The following CAMK2D variants were observed in gnomAD, a reference collection of about 807,000 sequenced individuals.
The protein encoded by CAMK2D is calcium/calmodulin dependent protein kinase II delta, also known as calcium/calmodulin-dependent protein kinase type II subunit delta.
Under a neutral mutation model 84.0 loss-of-function variants are expected in CAMK2D, and 37 were observed. The ratio of observed to expected loss-of-function variants is 0.44; its 90% CI spans 0.34 to 0.58. CAMK2D has a LOEUF of 0.58. Ranked by LOEUF, CAMK2D falls within the 20% of genes least tolerant of loss-of-function variation. The probability of loss-of-function intolerance (pLI) is 0.02; values close to 1 mark genes in which losing one functional copy is unlikely to be tolerated. For missense variants in CAMK2D, 448 were observed against 652.5 expected (o/e 0.69, Z 3.41); for synonymous variants, 202 against 212.5 (o/e 0.95, Z 0.43).
intron 7 of CAMK2D, among the ~76,000 whole-genome samples, chr4:113,533,813 A>C (rs1472690946): frequency 6.6e-6 from 1 of 151,988 alleles, no homozygotes; most frequent in Non-Finnish European, 1.5e-5. Flanking sequence ...TACTTCTACC[A>C]GTTTTGGCTA....
chr4:113,705,403 G>A (rs1000978535), intron 2 of CAMK2D, among the ~76,000 whole-genome samples: 4 of 151,756 alleles, frequency 2.6e-5, no homozygotes, highest in African/African-American at 9.7e-5. Flanking sequence ...GATGCCTCAG[G>A]TTCTCTGATT....
intron 6 of CAMK2D, among the ~76,000 whole-genome samples, chr4:113,542,180 C>T (rs547244789): frequency 6.6e-6 from 1 of 152,300 alleles, no homozygotes; most frequent in Admixed American, 6.5e-5. Context: ...CAATTACCCA[C>T]AGCTTCTCCA....
intron 4 of CAMK2D, among the ~76,000 whole-genome samples, chr4:113,600,900 G>A (rs1390932374): frequency 6.6e-6 from 1 of 152,164 alleles, no homozygotes; most frequent in East Asian, 1.9e-4. Flanking sequence ...CTCCTGAAGT[G>A]CTGAGGTTAC....
At chr4:113,669,732 C>T (rs1019273074) in intron 2 of CAMK2D, among the ~76,000 whole-genome samples, 2 of 152,088 alleles carry the variant, frequency 1.3e-5, no homozygotes, top group Non-Finnish European at 2.9e-5. Context: ...AGATATGAAA[C>T]ATGTCTTATG....
chr4:113,548,286 C>A (rs1437594156), intron 5 of CAMK2D, among the ~76,000 whole-genome samples: 1 of 152,154 alleles, frequency 6.6e-6, no homozygotes, highest in African/African-American at 2.4e-5. Flanking sequence ...CTACAGCAAC[C>A]CATGGTCTCA....
chr4:113,640,242 A>G (rs1284592868), intron 3 of CAMK2D, among the ~76,000 whole-genome samples: 1 of 152,150 alleles, frequency 6.6e-6, no homozygotes, highest in African/African-American at 2.4e-5. Flanking sequence ...CTAGTAGGAA[A>G]CGTGTCTGGA....
chr4:113,589,003 G>A (rs28578760), intron 4 of CAMK2D, among the ~76,000 whole-genome samples: 6,388 of 152,194 alleles, frequency 0.042, 452 homozygotes, highest in African/African-American at 0.15. Context: ...AGGAGAGCTG[G>A]GGAGACCATG....
chr4:113,504,505 TAAGA>T (rs1206985755), intron 14 of CAMK2D, among the ~76,000 whole-genome samples: 1 of 152,220 alleles, frequency 6.6e-6, no homozygotes, highest in Non-Finnish European at 1.5e-5. Context: ...TGTGTTTTAA[TAAGA>T]GGGAAACGAG....
intron 17 of CAMK2D, among the ~76,000 whole-genome samples, chr4:113,464,526 GCATT>G (rs1211902212): frequency 6.6e-6 from 1 of 152,144 alleles, no homozygotes; most frequent in Non-Finnish European, 1.5e-5. Flanking sequence ...TCTCCGTTTT[GCATT>G]TTAAGTCTTT....
Position 113,557,836 on chromosome 4 carries a change from C to G in CAMK2D, c.276-5740G>C, listed in dbSNP as rs568097818. Among the ~76,000 whole-genome samples the G allele has an allele frequency of 2.3e-4, 35 of 152,290 alleles. 2 individuals are homozygous for G. Among genetic ancestry groups the G allele is most frequent in the African/African-American group, 8.4e-4 (35 of 41,564 alleles). ...GGATGAGTTGATATAATAATGCACT[C>G]AACTCTTTGGAAAACACAACAGCTG... On this transcript the variant is annotated intron_variant, in intron 4 of 20. Coordinates refer to ENST00000511664, the MANE Select transcript of CAMK2D (RefSeq NM_001321571.2).
chr4:113,693,710 T>C (rs1008040553), intron 2 of CAMK2D, among the ~76,000 whole-genome samples: 1 of 152,198 alleles, frequency 6.6e-6, no homozygotes, highest in Admixed American at 6.6e-5. Context: ...AGGACAGATA[T>C]GGCTATCACC....
chr4:113,602,037 T>C (rs1013485591), intron 4 of CAMK2D, among the ~76,000 whole-genome samples: 3 of 152,156 alleles, frequency 2.0e-5, no homozygotes, highest in African/African-American at 7.2e-5. Flanking sequence ...ACAAAATTTG[T>C]AGACTCAGCT....
chr4:113,732,493 T>C (rs2099571457), intron 2 of CAMK2D, among the ~76,000 whole-genome samples: 1 of 152,204 alleles, frequency 6.6e-6, no homozygotes, highest in Non-Finnish European at 1.5e-5. Context: ...ATATTATTGG[T>C]TGAGCTGTTA....
chr4:113,532,677 C>A (rs2098465858), intron 7 of CAMK2D, among the ~76,000 whole-genome samples: 1 of 152,186 alleles, frequency 6.6e-6, no homozygotes, highest in Admixed American at 6.5e-5. Flanking sequence ...TGCTAATGTC[C>A]AGATTACATC....
intron 8 of CAMK2D, 105 bp from the exon 9 acceptor site, chr4:113,517,762 A>T (rs2098303614): frequency 1.6e-6 from 1 of 606,982 alleles, no homozygotes; most frequent in Non-Finnish European, 3.0e-6. Context: ...AAAACAGAGA[A>T]AACTGGATTG....
intron 16 of CAMK2D, among the ~76,000 whole-genome samples, chr4:113,499,587 T>G (rs372490022): frequency 6.6e-6 from 1 of 152,190 alleles, no homozygotes. Flanking sequence ...GGTGATACTA[T>G]TAGGTCAGTA....
At chr4:113,753,764 C>A (rs1414303656) in intron 2 of CAMK2D, 21 of 614,712 alleles carry the variant, frequency 3.4e-5, no homozygotes, top group Middle Eastern at 1.8e-3. Context: ...TTCCCCAAAT[C>A]ATTTATTTAG....
chr4:113,670,629 T>C (rs1035493608), intron 2 of CAMK2D, among the ~76,000 whole-genome samples: 1 of 152,134 alleles, frequency 6.6e-6, no homozygotes, highest in Non-Finnish European at 1.5e-5. Flanking sequence ...CCATTTTGAC[T>C]TTTAGGCATA....
At chr4:113,613,809 C>A (rs1055373975) in intron 3 of CAMK2D, among the ~76,000 whole-genome samples, 7 of 152,014 alleles carry the variant, frequency 4.6e-5, no homozygotes, top group African/African-American at 1.7e-4. Context: ...AAATCATTTT[C>A]ATTTCCAAAA....
Sources: gnomAD v4.1 joint callset for allele counts (sites outside exome capture counted in the v4.1 genomes callset) on GRCh38, gnomAD v4.1.1 for gene constraint, MANE v1.5 for transcripts, NCBI Gene and HGNC (gene_info 2026-07-23, HGNC 2026-07-21) for gene names.